Variants in NRSN1 observed in about 807,000 individuals in gnomAD.
The protein encoded by NRSN1 is neurensin 1.
Under a neutral mutation model 17.3 loss-of-function variants are expected in NRSN1, and 14 were observed. The observed-to-expected ratio is 0.81, with a 90% CI of 0.54 to 1.27. The LOEUF is 1.27. NRSN1 is among the 50% of genes most tolerant of loss of function. NRSN1 has a pLI of 0.00. For missense variants in NRSN1, 209 were observed against 235.9 expected, an observed-to-expected ratio of 0.89 and a Z score of 0.75; for synonymous variants, 79 against 94.2, an observed-to-expected ratio of 0.84 and a Z score of 0.93.
chr6:24,135,174 G>T (rs1760097086), intron 3 of NRSN1, among the ~76,000 whole-genome samples: 1 of 152,186 alleles, frequency 6.6e-6, no homozygotes, highest in African/African-American at 2.4e-5. Context: ...TGGGAAACAG[G>T]CTGTAAACAA....
intron 3 of NRSN1, among the ~76,000 whole-genome samples, chr6:24,135,840 T>A (rs1760111323): frequency 6.6e-6 from 1 of 152,146 alleles, no homozygotes; most frequent in Non-Finnish European, 1.5e-5. Context: ...ATTCCAACAT[T>A]TAGAAACTAA....
chr6:24,141,008 G>C (rs565218455), intron 3 of NRSN1: 1 of 1,469,454 alleles, frequency 6.8e-7, no homozygotes, highest in East Asian at 2.8e-5. Flanking sequence ...CTGCTGTTTC[G>C]GGAGTTTGTC....
Position 24,145,599 on chromosome 6 carries a change from G to A in NRSN1, c.241G>A (p.Ala81Thr). The change falls in exon 4 of 4, where the codon GCA becomes ACA. Residue 81 changes from alanine (A) to threonine (T), a missense_variant. Ala to Thr is a moderately conservative substitution (Grantham distance 58). Transcript: ENST00000378491. The surrounding 1 kb of genome is among the most constrained non-coding windows in gnomAD (Gnocchi z 4.4). ...VFVILGLTVL[A>T]VGFLVPPKIE... ...TGTGATCCTCGGATTGACTGTTCTGGCAGTGGGCTTTCTTGTGCCCCCCAA... is the reference window on the plus strand; with the variant it reads ...TGTGATCCTCGGATTGACTGTTCTGACAGTGGGCTTTCTTGTGCCCCCCAA... 6.2e-7 allele frequency: 1 copy of A among 1,612,082 alleles called. No individual in the cohort carries two copies. The highest frequency in any genetic ancestry group is 8.5e-7 in the Non-Finnish European group (1 of 1,178,884).
At chr6:24,140,264 A>G (rs1274740122) in intron 3 of NRSN1, among the ~76,000 whole-genome samples, 1 of 152,276 alleles carries the variant, frequency 6.6e-6, no homozygotes, top group South Asian at 2.1e-4. Flanking sequence ...AGGGACGCAG[A>G]GCTGGAGAAT....
In NRSN1 at chr6:24,131,793, C is replaced by T. The variant is rs1031391387; in HGVS notation, c.-9-2526C>T. ...ATTAAATAGAAGGTACTGAAGAGAT[C>T]GTCCTAGTGCTTAAAATATTAAAAC... On this transcript the variant is annotated intron_variant, in intron 2 of 3. Transcript: ENST00000378491. Among the ~76,000 whole-genome samples, 4 of 152,180 alleles carry T rather than the reference C, an allele frequency of 2.6e-5. 1 individual carries two copies. The highest frequency in any genetic ancestry group is 6.5e-5 in the Admixed American group (1 of 15,276).
At chr6:24,134,715 T>C (rs1455095559) in intron 3 of NRSN1, among the ~76,000 whole-genome samples, 199 bp downstream of exon 3, 2 of 152,178 alleles carry the variant, frequency 1.3e-5, no homozygotes, top group African/African-American at 2.4e-5. Context: ...AGCACAACTA[T>C]TGATGAGCAG....
intron 3 of NRSN1, among the ~76,000 whole-genome samples, chr6:24,142,148 C>G (rs1421776797): frequency 1.5e-5 from 2 of 131,872 alleles, no homozygotes; most frequent in African/African-American, 5.4e-5. Context: ...TTATATTTTA[C>G]AGCCCAATTT....
intron 3 of NRSN1, among the ~76,000 whole-genome samples, chr6:24,139,402 C>G (rs1219307810): frequency 6.6e-6 from 1 of 152,192 alleles, no homozygotes; most frequent in African/African-American, 2.4e-5. Context: ...AGAGTGGCTG[C>G]AGTGGACGAG....
intron 3 of NRSN1, among the ~76,000 whole-genome samples, chr6:24,138,424 T>C (rs1164542480): frequency 6.6e-6 from 1 of 152,198 alleles, no homozygotes; most frequent in Non-Finnish European, 1.5e-5. Context: ...TGCCACTTGA[T>C]TGTCCACGCA....
intron 3 of NRSN1, among the ~76,000 whole-genome samples, chr6:24,143,471 G>T (rs948675691): frequency 5.3e-5 from 8 of 152,118 alleles, no homozygotes; most frequent in Admixed American, 5.2e-4. Flanking sequence ...TTTTGCTAGG[G>T]TGATAGATTT....
chr6:24,129,087 T>A (rs568689978), intron 2 of NRSN1: 1 of 152,346 alleles, frequency 6.6e-6, no homozygotes, highest in East Asian at 1.9e-4. Context: ...CTACAGTCTA[T>A]TGGCACACAT....
intron 3 of NRSN1, among the ~76,000 whole-genome samples, chr6:24,136,604 C>G (rs1025217240): frequency 1.5e-4 from 23 of 151,556 alleles, no homozygotes; most frequent in African/African-American, 5.6e-4. Context: ...ATGCCACTGA[C>G]ACACAGAATA....
At chr6:24,127,676 A>G (rs1203197061) in intron 1 of NRSN1, among the ~76,000 whole-genome samples, 1 of 152,252 alleles carries the variant, frequency 6.6e-6, no homozygotes, top group Non-Finnish European at 1.5e-5. Context: ...GTATGTAAAC[A>G]TATCAGAAAA....
chr6:24,134,548 A>G, intron 3 of NRSN1, 32 bp downstream of exon 3: 5 of 1,584,226 alleles, frequency 3.2e-6, no homozygotes, highest in Non-Finnish European at 4.3e-6. Context: ...AACTTAGGGA[A>G]TGGAAAAATT....
intron 1 of NRSN1, among the ~76,000 whole-genome samples, chr6:24,127,137 G>C (rs1759962298): frequency 6.6e-6 from 1 of 152,100 alleles, no homozygotes; most frequent in Admixed American, 6.5e-5. Flanking sequence ...AGGTGTTGGG[G>C]GAGGGAAGAA....
intron 3 of NRSN1, among the ~76,000 whole-genome samples, chr6:24,142,212 T>TTTTTTTTTTTTTTTTTTTTTTTTTTC (rs1484150562): frequency 5.9e-5 from 8 of 134,512 alleles, no homozygotes; most frequent in Non-Finnish European, 9.9e-5. Flanking sequence ...TTTTTTTTTT[T>TTTTTTTTTTTTTTTTTTTTTTTTTTC]TTCAGAAGAC....
At chr6:24,127,554 C>T (rs772174891) in intron 1 of NRSN1, among the ~76,000 whole-genome samples, 4 of 152,164 alleles carry the variant, frequency 2.6e-5, no homozygotes, top group African/African-American at 9.7e-5. Context: ...TGGGCACCTG[C>T]TTTTCTTAGG....
Position 24,146,236 on chromosome 6 carries a change from T to C in NRSN1, c.*290T>C. On this transcript the variant is annotated 3_prime_UTR_variant, in exon 4 of 4. Transcript: ENST00000378491. Reference sequence around the variant, plus strand: ...TTTCATAGATCGTGACTTTGTGTTATTTTCCGTGTTGTTTGAAAGTGCCGA... The same window carrying C: ...TTTCATAGATCGTGACTTTGTGTTACTTTCCGTGTTGTTTGAAAGTGCCGA... The C allele has an allele frequency of 1.6e-6, 1 of 631,306 alleles. No individual in the cohort carries two copies. The highest frequency in any genetic ancestry group is 1.5e-5 in the South Asian group (1 of 66,050). 39.1% of individuals were successfully genotyped at this position (631,306 alleles called of 1,614,324 possible). A position where few individuals can be genotyped will look rare whatever the true frequency, so the allele number is the denominator to read the frequency against.
In NRSN1 at chr6:24,146,343, G is replaced by T; in HGVS notation, c.*397G>T. The T allele has an allele frequency of 4.2e-6, 2 of 476,004 alleles. No individual in the cohort carries two copies. The highest frequency in any genetic ancestry group is 1.6e-5 in the South Asian group (1 of 63,416). The allele number at this position is 476,004 out of a possible 1,614,324, so 29.5% of individuals were successfully genotyped here. A position where few individuals can be genotyped will look rare whatever the true frequency, so the allele number is the denominator to read the frequency against. On this transcript the variant is annotated 3_prime_UTR_variant, in exon 4 of 4. Transcript: ENST00000378491. Reference sequence around the variant, plus strand: ...GTTTATCTAATGTTTTCTGCGTGGTGCTGTCTTCCATTCCTGTCTCACTAT... The same window carrying T: ...GTTTATCTAATGTTTTCTGCGTGGTTCTGTCTTCCATTCCTGTCTCACTAT...
Sources: allele counts gnomAD v4.1 joint callset (sites outside exome capture counted in the v4.1 genomes callset), GRCh38; gene constraint gnomAD v4.1.1; non-coding constraint Gnocchi (gnomAD v3.1); transcripts MANE v1.5; gene names NCBI Gene and HGNC (gene_info 2026-07-23, HGNC 2026-07-21).